Variants in ATF7IP observed in about 807,000 individuals in gnomAD.
ATF7IP encodes the protein activating transcription factor 7-interacting protein 1.
A neutral mutation model predicts 106.4 loss-of-function variants in ATF7IP; 23 were observed. The observed-to-expected ratio is 0.22, with a 90% CI of 0.16 to 0.31. ATF7IP has a LOEUF of 0.31. Ranked by LOEUF, ATF7IP falls within the 10% of genes least tolerant of loss-of-function variation. The pLI, the probability that ATF7IP is intolerant of heterozygous loss-of-function variation, is 1.00. For missense variants in ATF7IP, 1,334 were observed against 1,524.3 expected (o/e 0.88, Z 2.08); for synonymous variants, 542 against 539.0 (o/e 1.01, Z -0.08).
chr12:14,490,192 G>T (rs1207113079), intron 13 of ATF7IP, among the ~76,000 whole-genome samples: 2 of 152,222 alleles, frequency 1.3e-5, no homozygotes, highest in African/African-American at 4.8e-5. Context: ...GCGATGACAC[G>T]GGTGGCTGCG....
chr12:14,456,993 CAAGAGTT>C (rs1264751427), intron 7 of ATF7IP, among the ~76,000 whole-genome samples: 9 of 152,256 alleles, frequency 5.9e-5, no homozygotes, highest in South Asian at 4.1e-4. Flanking sequence ...CATTAGAATA[CAAGAGTT>C]AAGAGTTAAG....
chr12:14,450,894 A>G (rs968174480), intron 6 of ATF7IP, among the ~76,000 whole-genome samples: 16 of 151,860 alleles, frequency 1.1e-4, no homozygotes, highest in African/African-American at 3.9e-4. Flanking sequence ...GTGTGCCTCA[A>G]CCTCCTGAGT....
intron 13 of ATF7IP, among the ~76,000 whole-genome samples, chr12:14,489,238 C>T (rs1304339023): frequency 6.6e-6 from 1 of 152,164 alleles, no homozygotes; most frequent in Non-Finnish European, 1.5e-5. Flanking sequence ...GTATACTCTT[C>T]CTTACCTCCA....
intron 13 of ATF7IP, 26 bp downstream of exon 13, chr12:14,481,211 C>G (rs1187706386): frequency 1.9e-6 from 3 of 1,610,114 alleles, no homozygotes; most frequent in Non-Finnish European, 1.7e-6. Context: ...TGTATATGGC[C>G]CCAAGATACA....
chr12:14,488,483 T>A (rs1201185058), intron 13 of ATF7IP, among the ~76,000 whole-genome samples: 1 of 152,148 alleles, frequency 6.6e-6, no homozygotes, highest in Admixed American at 6.5e-5. Flanking sequence ...GCTTTATATT[T>A]GTTGGCAGCT....
intron 8 of ATF7IP, 101 bp downstream of exon 8, chr12:14,457,396 G>T: frequency 1.2e-6 from 1 of 860,318 alleles, no homozygotes; most frequent in Non-Finnish European, 1.8e-6. Context: ...TTAAGAAATT[G>T]GGCACATTGG....
intron 1 of ATF7IP, among the ~76,000 whole-genome samples, chr12:14,400,440 A>G (rs1940129141): frequency 1.5e-5 from 2 of 137,486 alleles, no homozygotes; most frequent in African/African-American, 5.6e-5. Context: ...AGGAGAAGAT[A>G]TATATTTTAG....
chr12:14,438,813 A>G (rs1942550344), intron 5 of ATF7IP, among the ~76,000 whole-genome samples: 1 of 152,226 alleles, frequency 6.6e-6, no homozygotes, highest in South Asian at 2.1e-4. Context: ...TTAGACTTCA[A>G]TATGTGAACT....
At chr12:14,379,331 C>T (rs142332626) in intron 1 of ATF7IP, among the ~76,000 whole-genome samples, 28 of 152,192 alleles carry the variant, frequency 1.8e-4, no homozygotes, top group Non-Finnish European at 3.4e-4. Context: ...CCCAAGAACC[C>T]GAGCAGATAC....
chr12:14,424,979 A>T lies in ATF7IP; in HGVS notation c.1064A>T (p.Asp355Val), dbSNP rs372164415. ...IDANEETLET[D>V]DTTICSDRPP... ...GCTAATGAAGAAACTCTAGAAACAG[A>T]TGATACAACTATTTGTTCAGATCGA... Residue 355 changes from aspartate to valine, a missense_variant, in exon 2 of 15, where the codon GAT (aspartate) becomes GTT (valine). Asp to Val is a radical substitution (Grantham distance 152). Around this residue, in one of 10 missense-constraint regions of ATF7IP, gnomAD observed 438 missense variants for 405.3 expected, o/e 1.08. Transcript: ENST00000261168. 1.1e-5 allele frequency: 18 copies of T among 1,610,562 alleles called. No homozygotes were observed. The highest frequency in any genetic ancestry group is 1.3e-5 in the Non-Finnish European group (15 of 1,179,162).
rs145645055 is a variant in ATF7IP, at chr12:14,424,360, C to T, written c.445C>T (p.Leu149=). ...TGCCGGAGATCCAGCCTCCGGAGTA[C>T]TGGCCTCTGGTGATTCCACCTCTGG... The part of the protein sequence containing the change: ...LDAGDPASGV[L]ASGDSTSGDP... Residue 149 remains leucine, a synonymous_variant, in exon 2 of 15, where the codon CTG becomes TTG. Coordinates refer to ENST00000261168, the MANE Select transcript of ATF7IP (RefSeq NM_018179.5). The T allele has an allele frequency of 4.7e-4, 755 of 1,614,164 alleles. 7 individuals are homozygous for T. The African/African-American group carries it at 8.6e-3, about 18-fold the overall frequency.
At chr12:14,392,863 A>C (rs1403307107) in intron 1 of ATF7IP, among the ~76,000 whole-genome samples, 1 of 152,252 alleles carries the variant, frequency 6.6e-6, no homozygotes, top group Non-Finnish European at 1.5e-5. Context: ...ATTAAAACTC[A>C]TATTTTATAT....
chr12:14,492,204 G>A (rs1427186942), intron 13 of ATF7IP, among the ~76,000 whole-genome samples: 1 of 152,158 alleles, frequency 6.6e-6, no homozygotes, highest in Non-Finnish European at 1.5e-5. Flanking sequence ...TCAGACCTGA[G>A]ACAAAATTCC....
intron 6 of ATF7IP, 119 bp from the exon 7 acceptor site, chr12:14,456,442 C>T: frequency 1.6e-6 from 1 of 615,660 alleles, no homozygotes; most frequent in Admixed American, 2.9e-5. Context: ...GCAATGTTTC[C>T]CATTATATTA....
intron 13 of ATF7IP, chr12:14,481,565 C>T (rs1217491355): frequency 4.9e-6 from 2 of 411,864 alleles, no homozygotes; most frequent in Admixed American, 3.4e-5. Context: ...AAAGAAATGG[C>T]AGTATAACCA....
At chr12:14,412,368 G>A (rs543495616) in intron 1 of ATF7IP, among the ~76,000 whole-genome samples, 4 of 152,116 alleles carry the variant, frequency 2.6e-5, no homozygotes, top group Non-Finnish European at 5.9e-5. Flanking sequence ...AGCTTAATTT[G>A]AAGAGTGTTG....
chr12:14,370,742 T>G (rs970852360), intron 1 of ATF7IP, among the ~76,000 whole-genome samples: 11 of 152,116 alleles, frequency 7.2e-5, no homozygotes, highest in Non-Finnish European at 1.6e-4. Context: ...AGGGATGAAT[T>G]AGGAGACAAT....
At position 14,497,984 on chromosome 12, in the gene ATF7IP, G is replaced by A; in HGVS notation, c.3724G>A (p.Ala1242Thr). ...TGTATCTGGTAGCAAATACTACTTT[G>A]CAGTACGAGCCAAGGATATTTATGG... ...QFVSGSKYYF[A>T]VRAKDIYGRF... Residue 1242 changes from alanine (A) to threonine (T), a missense_variant, in exon 15 of 15, where the codon GCA (alanine) becomes ACA (threonine). Coordinates refer to ENST00000261168, the MANE Select transcript of ATF7IP (RefSeq NM_018179.5). The A allele has an allele frequency of 1.2e-6, 2 of 1,614,144 alleles. No homozygotes were observed. The highest frequency in any genetic ancestry group is 1.7e-6 in the Non-Finnish European group (2 of 1,180,002).
chr12:14,402,062 T>A (rs1940247729), intron 1 of ATF7IP, among the ~76,000 whole-genome samples: 4 of 151,724 alleles, frequency 2.6e-5, no homozygotes, highest in Admixed American at 2.6e-4. Flanking sequence ...TAGGTGGAAT[T>A]TTCTTTTTTT....
Sources: allele counts gnomAD v4.1 joint callset (sites outside exome capture counted in the v4.1 genomes callset), GRCh38; gene constraint gnomAD v4.1.1; regional missense constraint gnomAD v4.1.1; transcripts MANE v1.5; gene names NCBI Gene and HGNC (gene_info 2026-07-23, HGNC 2026-07-21).